Variants in LHFPL3 observed in about 807,000 individuals in gnomAD.
LHFPL3 encodes LHFPL tetraspan subfamily member 3 protein.
In LHFPL3, 5 loss-of-function variants were observed where a neutral mutation model predicts 19.3. The ratio of observed to expected loss-of-function variants is 0.26; its 90% CI spans 0.14 to 0.54. The LOEUF (loss-of-function observed/expected upper bound fraction) is 0.54. LHFPL3 is among the 20% of genes least tolerant of loss of function. LHFPL3 has a pLI of 0.94. For synonymous variants in LHFPL3, 133 were observed against 126.2 expected (o/e 1.05, Z -0.36); for missense variants, 249 against 307.4 (o/e 0.81, Z 1.42).
At chr7:104,545,453 T>C (rs1794560710) in intron 1 of LHFPL3, among the ~76,000 whole-genome samples, 1 of 152,192 alleles carries the variant, frequency 6.6e-6, no homozygotes. Flanking sequence ...GCAGATTTTC[T>C]GCATCTTTGC....
intron 1 of LHFPL3, among the ~76,000 whole-genome samples, chr7:104,571,249 G>A (rs1421408571): frequency 1.3e-5 from 2 of 152,034 alleles, no homozygotes; most frequent in African/African-American, 4.8e-5. Context: ...AAAATGAAAA[G>A]GCCATGAAAA....
intron 1 of LHFPL3, among the ~76,000 whole-genome samples, chr7:104,486,028 T>G (rs1029770498): frequency 6.6e-6 from 1 of 152,220 alleles, no homozygotes; most frequent in Non-Finnish European, 1.5e-5. Context: ...CCTTATGAAG[T>G]CTATATCCTT....
chr7:104,871,092 G>A (rs980584344), intron 2 of LHFPL3, among the ~76,000 whole-genome samples: 3 of 152,178 alleles, frequency 2.0e-5, no homozygotes, highest in African/African-American at 7.2e-5. Flanking sequence ...ACTTAACAGG[G>A]ATATGTTCTG....
chr7:104,763,493 A>C (rs1043653018), intron 2 of LHFPL3, among the ~76,000 whole-genome samples: 1 of 152,242 alleles, frequency 6.6e-6, no homozygotes, highest in African/African-American at 2.4e-5. Flanking sequence ...CGTCTGCTGC[A>C]AGTAGAGACC....
At chr7:104,650,260 G>A (rs1294414161) in intron 1 of LHFPL3, among the ~76,000 whole-genome samples, 1 of 152,192 alleles carries the variant, frequency 6.6e-6, no homozygotes, top group Non-Finnish European at 1.5e-5. Flanking sequence ...ATGAGGATAT[G>A]GCTTCTCCAG....
intron 1 of LHFPL3, among the ~76,000 whole-genome samples, chr7:104,671,837 A>C (rs1792488811): frequency 6.6e-6 from 1 of 152,140 alleles, no homozygotes; most frequent in African/African-American, 2.4e-5. Flanking sequence ...GCAAGGTATT[A>C]CTCTACCCAT....
At chr7:104,568,718 C>G (rs1490978109) in intron 1 of LHFPL3, among the ~76,000 whole-genome samples, 8 of 152,150 alleles carry the variant, frequency 5.3e-5, no homozygotes, top group African/African-American at 1.9e-4. Flanking sequence ...CCAGTTGTCT[C>G]TGTCCTCCTA....
intron 1 of LHFPL3, among the ~76,000 whole-genome samples, chr7:104,548,590 C>T (rs957618815): frequency 1.8e-4 from 27 of 152,160 alleles, no homozygotes; most frequent in African/African-American, 3.6e-4. Context: ...AAAGATGGAA[C>T]GAAATAAAGA....
intron 1 of LHFPL3, among the ~76,000 whole-genome samples, chr7:104,489,411 A>G (rs187408628): frequency 1.6e-4 from 25 of 152,036 alleles, no homozygotes; most frequent in African/African-American, 6.0e-4. Context: ...GGGTCTTGCA[A>G]ATTATCTTGC....
At chr7:104,785,505 T>C (rs944163102) in intron 2 of LHFPL3, 4 of 152,280 alleles carry the variant, frequency 2.6e-5, no homozygotes, top group African/African-American at 9.6e-5. Context: ...GACTGTCCCA[T>C]AGGTCCCTCA....
In LHFPL3 at chr7:104,690,991, G is replaced by A. The variant is rs563553731; in HGVS notation, c.446-45684G>A. ...AAGGCCCCCATAGATGAATCACAGCGGAGGCCTCTAGGATTTTGGAGCAAG... is the reference window on the plus strand; with the variant it reads ...AAGGCCCCCATAGATGAATCACAGCAGAGGCCTCTAGGATTTTGGAGCAAG... On this transcript the variant is annotated intron_variant, in intron 1 of 2. Coordinates refer to ENST00000424859, the MANE Select transcript of LHFPL3 (RefSeq NM_199000.3). Among the ~76,000 whole-genome samples, 174 of 152,312 alleles carry A rather than the reference G, an allele frequency of 1.1e-3. 3 individuals are homozygous for A. The highest frequency in any genetic ancestry group is 7.1e-4 in the Non-Finnish European group (48 of 68,032).
At chr7:104,727,440 G>C (rs529946733) in intron 1 of LHFPL3, among the ~76,000 whole-genome samples, 2 of 152,090 alleles carry the variant, frequency 1.3e-5, no homozygotes, top group South Asian at 4.1e-4. Context: ...TTTTCTTTTA[G>C]GGCTTTTATA....
chr7:104,344,374 A>G (rs1442995338), intron 1 of LHFPL3, among the ~76,000 whole-genome samples: 2 of 152,264 alleles, frequency 1.3e-5, no homozygotes, highest in Admixed American at 6.5e-5. Context: ...AGTTGTATAC[A>G]TTGTGCTCAA....
intron 2 of LHFPL3, among the ~76,000 whole-genome samples, chr7:104,833,966 G>A (rs1791040695): frequency 7.0e-6 from 1 of 143,732 alleles, no homozygotes; most frequent in Admixed American, 7.0e-5. Flanking sequence ...CAAGCTTGAG[G>A]AGTAAGGAGA....
intron 2 of LHFPL3, among the ~76,000 whole-genome samples, chr7:104,869,380 C>A (rs1466316502): frequency 1.2e-4 from 18 of 151,836 alleles, no homozygotes; most frequent in Admixed American, 3.3e-4. Flanking sequence ...CAATGAACTC[C>A]AACAAATTTA....
chr7:104,903,300 C>G lies in LHFPL3; in HGVS notation c.683-2887C>G, dbSNP rs568056140. On this transcript the variant is annotated intron_variant, in intron 2 of 2. Transcript: ENST00000424859. ...GGAGTCTCTGGTTCATGGATGCCAA[C>G]AAATGATTCACACCAAAGCAGGCTT... Among the ~76,000 whole-genome samples, 18 of 152,196 alleles carry G rather than the reference C, an allele frequency of 1.2e-4. No homozygotes were observed. In the East Asian group the frequency reaches 2.9e-3, roughly 24 times the overall value.
At chr7:104,741,655 C>A (rs1043436912) in intron 2 of LHFPL3, among the ~76,000 whole-genome samples, 1 of 151,936 alleles carries the variant, frequency 6.6e-6, no homozygotes, top group Non-Finnish European at 1.5e-5. Context: ...CCTGCCTTAG[C>A]CTCTGGAGTA....
At chr7:104,661,919 G>T (rs1197709156) in intron 1 of LHFPL3, among the ~76,000 whole-genome samples, 1 of 152,106 alleles carries the variant, frequency 6.6e-6, no homozygotes, top group Non-Finnish European at 1.5e-5. Flanking sequence ...TAAAATAAGG[G>T]TTCCTTGAAC....
chr7:104,718,273 T>G (rs755533918), intron 1 of LHFPL3, among the ~76,000 whole-genome samples: 9 of 152,132 alleles, frequency 5.9e-5, no homozygotes, highest in Non-Finnish European at 1.3e-4. Context: ...GAAATTTTAT[T>G]AAGAGGGTGA....
Sources: gnomAD v4.1 joint callset for allele counts (sites outside exome capture counted in the v4.1 genomes callset) on GRCh38, gnomAD v4.1.1 for gene constraint, MANE v1.5 for transcripts, NCBI Gene and HGNC (gene_info 2026-07-23, HGNC 2026-07-21) for gene names.